Variants in DNER observed in about 807,000 individuals in gnomAD.
The protein encoded by DNER is delta and Notch-like epidermal growth factor-related receptor.
In DNER, 33 loss-of-function variants were observed where a neutral mutation model predicts 78.2. That is an observed-to-expected ratio of 0.42 (90% CI 0.32 to 0.56). The LOEUF (loss-of-function observed/expected upper bound fraction) is 0.56. Ranked by LOEUF, DNER falls within the 20% of genes least tolerant of loss-of-function variation. DNER has a pLI of 0.11. For missense variants in DNER, 918 were observed against 975.3 expected, an observed-to-expected ratio of 0.94 and a Z score of 0.78; for synonymous variants, 417 against 384.8, an observed-to-expected ratio of 1.08 and a Z score of -0.98.
intron 1 of DNER, among the ~76,000 whole-genome samples, chr2:229,642,615 C>T (rs577846115): frequency 2.0e-5 from 3 of 152,302 alleles, no homozygotes; most frequent in East Asian, 1.9e-4. Flanking sequence ...AGGTGAGTCA[C>T]GGAAGTGGCA....
At chr2:229,693,374 G>A (rs1699613089) in intron 1 of DNER, among the ~76,000 whole-genome samples, 1 of 151,908 alleles carries the variant, frequency 6.6e-6, no homozygotes, top group African/African-American at 2.4e-5. Context: ...TATTAGCAGT[G>A]TGAGAACAGA....
chr2:229,571,025 T>C lies in DNER; in HGVS notation c.847+14833A>G, dbSNP rs139738221. ...GACATAAAATGGTCCTCCCCAAATA[T>C]GGTCCCAGTTGTAGGGGCCTGGGGT... is the stretch of plus-strand genomic sequence containing the variant. On this transcript the variant is annotated intron_variant, in intron 4 of 12. Transcript: ENST00000341772. 2.9e-3 allele frequency among the ~76,000 whole-genome samples: 434 copies of C among 152,252 alleles called. 18 individuals carry two copies. Among genetic ancestry groups the C allele is most frequent in the Admixed American group, 0.025 (384 of 15,290 alleles).
At chr2:229,389,915 T>C (rs1387189799) in intron 10 of DNER, among the ~76,000 whole-genome samples, 1 of 152,168 alleles carries the variant, frequency 6.6e-6, no homozygotes, top group Non-Finnish European at 1.5e-5. Context: ...CTTACATCAA[T>C]AGAAAAAAAC....
chr2:229,483,823 T>G (rs1212372133), intron 6 of DNER, among the ~76,000 whole-genome samples: 1 of 152,148 alleles, frequency 6.6e-6, no homozygotes, highest in East Asian at 1.9e-4. Flanking sequence ...TTGCCCTTGT[T>G]TATTCTAAAA....
intron 7 of DNER, among the ~76,000 whole-genome samples, chr2:229,467,046 C>T (rs537321639): frequency 5.3e-5 from 8 of 152,170 alleles, no homozygotes; most frequent in African/African-American, 1.7e-4. Context: ...TGGACTGTCA[C>T]GGAAAAGAGG....
At chr2:229,503,917 GT>G (rs1695679258) in intron 6 of DNER, among the ~76,000 whole-genome samples, 1 of 151,898 alleles carries the variant, frequency 6.6e-6, no homozygotes, top group African/African-American at 2.4e-5. Flanking sequence ...AATTTTTGAG[GT>G]TTTTTTGTAG....
rs188341687 is a variant in DNER at position 229,466,606 on chromosome 2, C to T, written c.1261+10534G>A. 7.2e-5 allele frequency among the ~76,000 whole-genome samples: 11 copies of T among 152,088 alleles called. No homozygotes were observed. In the East Asian group the frequency reaches 9.6e-4, roughly 13 times the overall value. ...CACTATTCCATAAGACCCATGAGGC[C>T]GAAGCCACATATGTCTCGCTCACTG... On this transcript the variant is annotated intron_variant, in intron 7 of 12. Transcript: ENST00000341772.
intron 4 of DNER, among the ~76,000 whole-genome samples, chr2:229,557,348 T>C (rs890637640): frequency 1.3e-5 from 2 of 152,206 alleles, no homozygotes; most frequent in African/African-American, 4.8e-5. Context: ...TGCTGCTGCA[T>C]AGAGGTCTGT....
intron 1 of DNER, among the ~76,000 whole-genome samples, chr2:229,686,947 G>T (rs983250790): frequency 1.3e-5 from 2 of 152,114 alleles, no homozygotes; most frequent in African/African-American, 2.4e-5. Context: ...ATAACTTAAA[G>T]GTACAAGACT....
intron 8 of DNER, among the ~76,000 whole-genome samples, chr2:229,425,961 A>C (rs947512367): frequency 6.6e-6 from 1 of 151,390 alleles, no homozygotes; most frequent in African/African-American, 2.4e-5. Context: ...ATTTGTTTTT[A>C]CTTTATAGTC....
intron 2 of DNER, among the ~76,000 whole-genome samples, chr2:229,590,959 C>A (rs1249039967): frequency 6.6e-6 from 1 of 152,136 alleles, no homozygotes; most frequent in Non-Finnish European, 1.5e-5. Flanking sequence ...GGGACCTCTC[C>A]CTTCCCTCTC....
intron 6 of DNER, among the ~76,000 whole-genome samples, chr2:229,506,456 G>A (rs1026724745): frequency 2.6e-5 from 4 of 151,944 alleles, no homozygotes; most frequent in African/African-American, 7.3e-5. Context: ...ACCATACCAG[G>A]AGTCTAAGTA....
chr2:229,373,645 T>G (rs900673526), intron 11 of DNER, among the ~76,000 whole-genome samples: 1 of 152,204 alleles, frequency 6.6e-6, no homozygotes, highest in African/African-American at 2.4e-5. Context: ...GCACGTTCAC[T>G]GCAGCACTAT....
chr2:229,458,906 TA>T (rs1208074384), intron 7 of DNER, among the ~76,000 whole-genome samples: 3 of 151,960 alleles, frequency 2.0e-5, no homozygotes, highest in Non-Finnish European at 4.4e-5. Flanking sequence ...AACTAATAGG[TA>T]AATTTAGCAA....
At chr2:229,527,151 G>T (rs1326665369) in intron 5 of DNER, among the ~76,000 whole-genome samples, 2 of 152,164 alleles carry the variant, frequency 1.3e-5, no homozygotes, top group East Asian at 3.9e-4. Context: ...GTCATCGCGT[G>T]AGGGATTCTT....
chr2:229,399,286 T>A (rs1025653851), intron 10 of DNER, among the ~76,000 whole-genome samples: 2 of 144,108 alleles, frequency 1.4e-5, no homozygotes, highest in South Asian at 2.2e-4. Flanking sequence ...CTATTTACAA[T>A]CACTAAAAAT....
chr2:229,454,678 T>C (rs976183073), intron 7 of DNER, among the ~76,000 whole-genome samples: 2 of 151,762 alleles, frequency 1.3e-5, no homozygotes. Flanking sequence ...GCTTGTAGAA[T>C]TGAATATCAA....
At chr2:229,559,736 G>T (rs752272129) in intron 4 of DNER, among the ~76,000 whole-genome samples, 2 of 152,196 alleles carry the variant, frequency 1.3e-5, no homozygotes, top group African/African-American at 2.4e-5. Flanking sequence ...GTTTAAAACT[G>T]TAATGAAGGG....
intron 1 of DNER, among the ~76,000 whole-genome samples, chr2:229,700,428 C>T (rs1699728076): frequency 6.7e-6 from 1 of 149,078 alleles, no homozygotes; most frequent in Non-Finnish European, 1.5e-5. Context: ...CTCTGCCTCC[C>T]AGGTTCAAGC....
Sources: gnomAD v4.1 joint callset for allele counts (sites outside exome capture counted in the v4.1 genomes callset) on GRCh38, gnomAD v4.1.1 for gene constraint, MANE v1.5 for transcripts, NCBI Gene and HGNC (gene_info 2026-07-23, HGNC 2026-07-21) for gene names.